Variants in RNF213 observed in about 807,000 individuals in gnomAD.
RNF213 encodes the protein ring finger protein 213.
In RNF213, 341 loss-of-function variants were observed where a neutral mutation model predicts 514.4. The observed-to-expected ratio is 0.66, with a 90% CI of 0.61 to 0.73. RNF213 has a LOEUF of 0.73. Among genes scored for constraint, RNF213 ranks in the 30% least tolerant of loss-of-function variants. The pLI is 0.00. For synonymous variants in RNF213, 2,655 were observed against 2,658.2 expected (o/e 1.00, Z 0.04); for missense variants, 5,767 against 6,615.6 (o/e 0.87, Z 4.45).
chr17:80,323,778 A>G (rs775901035), intron 17 of RNF213, among the ~76,000 whole-genome samples: 35 of 140,494 alleles, frequency 2.5e-4, no homozygotes, highest in Non-Finnish European at 4.1e-4. Context: ...AATGTTTTGT[A>G]TTTTTCATAG....
In RNF213 at chr17:80,263,695, C is replaced by T. The variant is rs142962817; in HGVS notation, c.14C>T (p.Ser5Leu). 27 of 1,614,122 alleles carry T rather than the reference C, an allele frequency of 1.7e-5. No homozygotes were observed. The highest frequency in any genetic ancestry group is 1.6e-4 in the African/African-American group (12 of 75,044). MECPSCQHVSKEETP... is the reference protein window; with the variant it reads MECPLCQHVSKEETP... ...CCAGCAGGACCCATGGAGTGTCCTT[C>T]GTGCCAGCATGTCTCCAAGGAGGAA... The change falls in exon 2 of 68, where the codon TCG becomes TTG. Residue 5 changes from serine to leucine, a missense_variant. By Grantham distance (145) the Ser-to-Leu change is moderately radical (BLOSUM62 -2). Transcript: ENST00000582970. The surrounding 1 kb of genome is among the most constrained non-coding windows in gnomAD (Gnocchi z 4.9).
chr17:80,296,172 A>G (rs1275747732), intron 10 of RNF213, among the ~76,000 whole-genome samples: 2 of 152,094 alleles, frequency 1.3e-5, no homozygotes, highest in Non-Finnish European at 2.9e-5. Context: ...GGTGCACACT[A>G]CCACACATGG....
Position 80,353,287 on chromosome 17 carries a change from T to C in RNF213, c.10424-225T>C. The C allele has an allele frequency of 1.3e-6, 1 of 778,554 alleles. No individual in the cohort carries two copies. The highest frequency in any genetic ancestry group is 2.1e-6 in the Non-Finnish European group (1 of 474,974). The allele number at this position is 778,554 out of a possible 1,614,324, so 48.2% of individuals were successfully genotyped here. The stretch of plus-strand genomic sequence containing the variant: ...TAGAGCTCTGTGAGCAGGCCAGCCA[T>C]GGAAGTGAGCACCTAGAACACGCCA... On this transcript the variant is annotated intron_variant, in intron 33 of 67. Coordinates refer to ENST00000582970, the MANE Select transcript of RNF213 (RefSeq NM_001256071.3). The surrounding 1 kb of genome is among the most constrained non-coding windows in gnomAD (Gnocchi z 5.0).
At chr17:80,374,085 G>T (rs939103887) in intron 49 of RNF213, among the ~76,000 whole-genome samples, 1 of 149,936 alleles carries the variant, frequency 6.7e-6, no homozygotes, top group African/African-American at 2.5e-5. Context: ...AATTCTTATT[G>T]TCCAGGGGAT....
chr17:80,305,779 C>G (rs1007224138), intron 11 of RNF213, among the ~76,000 whole-genome samples: 14 of 152,044 alleles, frequency 9.2e-5, no homozygotes, highest in African/African-American at 3.4e-4. Flanking sequence ...GCCACCATGC[C>G]TGGCTGATTT....
chr17:80,353,922 G>A lies in RNF213; in HGVS notation c.10579-97G>A. On this transcript the variant is annotated intron_variant, in intron 34 of 67. Transcript: ENST00000582970. The surrounding 1 kb of genome is among the most constrained non-coding windows in gnomAD (Gnocchi z 5.0). ...TCCGTGAGGACCGCCGCCCTGTGCT[G>A]TTTGCTGCATTGAGACCCTCATCGC... 6.6e-7 allele frequency: 1 copy of A among 1,511,222 alleles called. No individual in the cohort carries two copies. The highest frequency in any genetic ancestry group is 2.3e-5 in the East Asian group (1 of 43,618). 93.6% of individuals were successfully genotyped at this position (1,511,222 alleles called of 1,614,324 possible).
At chr17:80,273,613 C>CTTTT (rs56957242) in intron 3 of RNF213, among the ~76,000 whole-genome samples, 12 of 97,598 alleles carry the variant, frequency 1.2e-4, no homozygotes, top group Admixed American at 3.4e-4. Context: ...CCTCCACCGT[C>CTTTT]TTTTTTTTTT....
At position 80,343,898 on chromosome 17, in the gene RNF213, T is replaced by C. The variant is rs777708509; in HGVS notation, c.6225T>C (p.Ile2075=). ...GIWVFLFKLL[I]LQYLMDINGK... The stretch of plus-strand genomic sequence containing the variant: ...GGGTGTTTCTTTTCAAGCTCCTCAT[T>C]TTACAATACTTAATGGATATAAATG... The change falls in exon 28 of 68, where the codon ATT becomes ATC. Residue 2075 remains isoleucine (I), a synonymous_variant. Coordinates refer to ENST00000582970, the MANE Select transcript of RNF213 (RefSeq NM_001256071.3). The surrounding 1 kb of genome is among the most constrained non-coding windows in gnomAD (Gnocchi z 4.3). 6.2e-7 allele frequency: 1 copy of C among 1,614,204 alleles called. No individual in the cohort carries two copies. The highest frequency in any genetic ancestry group is 1.1e-5 in the South Asian group (1 of 91,082).
intron 67 of RNF213, 70 bp downstream of exon 67, chr17:80,390,266 G>T: frequency 1.3e-6 from 2 of 1,502,382 alleles, no homozygotes; most frequent in South Asian, 1.1e-5. Context: ...ATCTTCTATA[G>T]ACACAAAAAT....
At chr17:80,268,692 T>G (rs1390638153) in intron 2 of RNF213, among the ~76,000 whole-genome samples, 1 of 152,116 alleles carries the variant, frequency 6.6e-6, no homozygotes, top group Non-Finnish European at 1.5e-5. Flanking sequence ...ATCCATCCAT[T>G]CATCCATGTA....
At chr17:80,273,429 TC>T (rs1179229317) in intron 3 of RNF213, 25 bp downstream of exon 3, 1 of 1,609,842 alleles carries the variant, frequency 6.2e-7, no homozygotes, top group Admixed American at 1.7e-5. Context: ...TCGGCTCCCC[TC>T]CGCCCCCGCT....
chr17:80,337,096 G>A (rs140818199), intron 23 of RNF213, among the ~76,000 whole-genome samples: 1 of 152,124 alleles, frequency 6.6e-6, no homozygotes, highest in African/African-American at 2.4e-5. Flanking sequence ...TAGAAAGTCA[G>A]CAGAGTTTCC....
Position 80,346,629 on chromosome 17 carries a change from T to C in RNF213, c.8294T>C (p.Leu2765Pro). ...MVVCIELKIP[L>P]FLVGKPGSSK... The stretch of plus-strand genomic sequence containing the variant: ...GTCTGCATCGAGCTGAAGATTCCCC[T>C]CTTCCTGGTGGGGAAGCCCGGCAGC... Residue 2765 changes from leucine to proline, a missense_variant, in exon 29 of 68, where the codon CTC becomes CCC. By Grantham distance (98) the Leu-to-Pro change is moderately conservative. Transcript: ENST00000582970. This position sits in a 1 kb window ranked among gnomAD's most constrained non-coding sequence, Gnocchi z 8.1. The C allele has an allele frequency of 3.1e-6, 5 of 1,612,884 alleles. No homozygotes were observed. The South Asian group carries it at 3.3e-5, about 11-fold the overall frequency.
intron 26 of RNF213, chr17:80,340,570 T>G (rs1217887527): frequency 1.1e-5 from 6 of 546,292 alleles, no homozygotes; most frequent in Admixed American, 6.3e-5. Flanking sequence ...CCCCATTCCC[T>G]TCCTCCTCTC....
At chr17:80,277,816 T>C (rs1345245972) in intron 3 of RNF213, among the ~76,000 whole-genome samples, 1 of 152,116 alleles carries the variant, frequency 6.6e-6, no homozygotes, top group Non-Finnish European at 1.5e-5. Flanking sequence ...ATTCTAACCA[T>C]GGTGAGGAGG....
In RNF213 at chr17:80,374,439, A is replaced by C. The variant is rs371788270; in HGVS notation, c.12943-19A>C. ...ACATTCCTCCCATTGTTCACCCCCA[A>C]CTAACCTCTGTATTCCAGGGGCTGC... is the stretch of plus-strand genomic sequence containing the variant. On this transcript the variant is annotated intron_variant, in intron 49 of 67. Transcript: ENST00000582970. 6.2e-7 allele frequency: 1 copy of C among 1,613,850 alleles called. No homozygotes were observed. Among genetic ancestry groups the C allele is most frequent in the African/African-American group, 1.3e-5 (1 of 74,886 alleles).
In RNF213 at chr17:80,388,693, A is replaced by G; in HGVS notation, c.15000+4A>G. On this transcript the variant is annotated splice_donor_region_variant and intron_variant, in intron 64 of 67. Coordinates refer to ENST00000582970, the MANE Select transcript of RNF213 (RefSeq NM_001256071.3). ...CATCAAGAACAAAATGGCACAGGTG[A>G]TCCCGATAAACCTGATCCTGTGCAC... 6.2e-7 allele frequency: 1 copy of G among 1,601,822 alleles called. No homozygotes were observed. Among genetic ancestry groups the G allele is most frequent in the Non-Finnish European group, 8.5e-7 (1 of 1,169,750 alleles).
At position 80,358,511 on chromosome 17, in the gene RNF213, GA is replaced by G. The variant is rs768001580; in HGVS notation, c.11054+35del. 5.0e-6 allele frequency: 8 copies of G among 1,589,414 alleles called. No homozygotes were observed. The Admixed American group carries it at 1.3e-4, about 27-fold the overall frequency. Reference sequence around the variant, plus strand: ...GGAAGGCTTTCTTTCCCTGGGGAGAGAAACTATCAGAACACAGCAGGACCCT... The same window carrying G: ...GGAAGGCTTTCTTTCCCTGGGGAGAGAACTATCAGAACACAGCAGGACCCT... On this transcript the variant is annotated intron_variant, in intron 37 of 67. Coordinates refer to ENST00000582970, the MANE Select transcript of RNF213 (RefSeq NM_001256071.3).
chr17:80,328,296 T>C (rs899562832), intron 19 of RNF213, 32 bp from the exon 20 acceptor site: 35 of 1,524,512 alleles, frequency 2.3e-5, no homozygotes, highest in Non-Finnish European at 2.9e-5. Flanking sequence ...GTTGCTGTAT[T>C]GGGTTACTTT....
Sources: allele counts gnomAD v4.1 joint callset (sites outside exome capture counted in the v4.1 genomes callset), GRCh38; gene constraint gnomAD v4.1.1; non-coding constraint Gnocchi (gnomAD v3.1); transcripts MANE v1.5; gene names NCBI Gene and HGNC (gene_info 2026-07-23, HGNC 2026-07-21).